CPNE4: variants seen among roughly 807,000 people sequenced by gnomAD.
CPNE4 encodes the protein copine 4, also known as copine-4.
Under a neutral mutation model 67.9 loss-of-function variants are expected in CPNE4, and 25 were observed. The ratio of observed to expected loss-of-function variants is 0.37; its 90% CI spans 0.27 to 0.51. The LOEUF (loss-of-function observed/expected upper bound fraction) is 0.51, where lower values mean the gene tolerates loss of function less well. Among genes scored for constraint, CPNE4 ranks in the 20% least tolerant of loss-of-function variants. The pLI is 0.93. For missense variants in CPNE4, 464 were observed against 690.8 expected, an observed-to-expected ratio of 0.67 and a Z score of 3.68; for synonymous variants, 242 against 244.9, an observed-to-expected ratio of 0.99 and a Z score of 0.11.
At chr3:131,703,918 TA>T (rs1242864939) in intron 3 of CPNE4, among the ~76,000 whole-genome samples, 1 of 152,196 alleles carries the variant, frequency 6.6e-6, no homozygotes, top group Non-Finnish European at 1.5e-5. Flanking sequence ...CCTTAAAAGG[TA>T]AATACATATT....
At chr3:131,909,103 T>G (rs1256727788) in intron 1 of CPNE4, among the ~76,000 whole-genome samples, 1 of 152,150 alleles carries the variant, frequency 6.6e-6, no homozygotes, top group African/African-American at 2.4e-5. Context: ...CTGTACAATC[T>G]GAGCATACTA....
intron 14 of CPNE4, among the ~76,000 whole-genome samples, chr3:131,545,210 A>C (rs1182948624): frequency 6.6e-6 from 1 of 152,190 alleles, no homozygotes; most frequent in Non-Finnish European, 1.5e-5. Flanking sequence ...CAAAATCTTC[A>C]TATGTCACAA....
chr3:132,036,242 T>C (rs2074335663), upstream of CPNE4, among the ~76,000 whole-genome samples: 1 of 152,230 alleles, frequency 6.6e-6, no homozygotes, highest in South Asian at 2.1e-4. Flanking sequence ...ACAGAAATCC[T>C]TGGATTTGCT....
Position 131,607,545 on chromosome 3 carries a change from G to A in CPNE4, c.682-19963C>T, listed in dbSNP as rs140835529. Among the ~76,000 whole-genome samples the A allele has an allele frequency of 2.9e-3, 447 of 152,140 alleles. 3 individuals carry two copies. The highest frequency in any genetic ancestry group is 9.5e-3 in the African/African-American group (393 of 41,526). ...TCTTCTGGCTATCATAACATTCAAC[G>A]TATTTTCAAAGGTAGTTTTTGATAA... On this transcript the variant is annotated intron_variant, in intron 7 of 15. Coordinates refer to ENST00000429747, the MANE Select transcript of CPNE4 (RefSeq NM_130808.3).
At chr3:131,999,760 C>T (rs2107660801) in intron 1 of CPNE4, among the ~76,000 whole-genome samples, 1 of 152,056 alleles carries the variant, frequency 6.6e-6, no homozygotes, top group Admixed American at 6.6e-5. Context: ...AAACTTTTCA[C>T]ATTCAAATTT....
intron 5 of CPNE4, among the ~76,000 whole-genome samples, chr3:131,695,241 C>T (rs577750146): frequency 1.3e-5 from 2 of 152,258 alleles, no homozygotes; most frequent in East Asian, 1.9e-4. Context: ...AGCACTGGGG[C>T]ATTCAGGCTC....
At chr3:131,770,809 C>T (rs377563926) in intron 2 of CPNE4, among the ~76,000 whole-genome samples, 12 of 152,324 alleles carry the variant, frequency 7.9e-5, no homozygotes, top group East Asian at 7.7e-4. Context: ...TTACCTATCT[C>T]ACTGGGTTAA....
rs117663707 is a variant in CPNE4 at position 131,943,147 on chromosome 3, C to T, written c.-1-37703G>A. ...GGCATTATATCACCTCTTGCATATTCGGTTAACATTGCCAGGAGGGTCTGG... is the reference window on the plus strand; with the variant it reads ...GGCATTATATCACCTCTTGCATATTTGGTTAACATTGCCAGGAGGGTCTGG... On this transcript the variant is annotated intron_variant, in intron 1 of 15. Coordinates refer to ENST00000429747, the MANE Select transcript of CPNE4 (RefSeq NM_130808.3). 7.6e-4 allele frequency among the ~76,000 whole-genome samples: 115 copies of T among 152,264 alleles called. 1 individual carries two copies. In the East Asian group the frequency reaches 0.02, roughly 26 times the overall value.
chr3:131,629,953 A>C (rs1582921308), intron 7 of CPNE4, among the ~76,000 whole-genome samples: 1 of 150,936 alleles, frequency 6.6e-6, no homozygotes, highest in African/African-American at 2.4e-5. Context: ...CCTCTCCCTT[A>C]CTCTCAAAAT....
At chr3:131,556,729 T>C (rs1003295959) in intron 11 of CPNE4, among the ~76,000 whole-genome samples, 1 of 152,128 alleles carries the variant, frequency 6.6e-6, no homozygotes, top group Non-Finnish European at 1.5e-5. Flanking sequence ...ATCACTTACA[T>C]ATCCTTTGGT....
intron 2 of CPNE4, among the ~76,000 whole-genome samples, chr3:131,792,686 TGTATATATACATATAC>T (rs2083784573): frequency 1.6e-5 from 1 of 61,702 alleles, no homozygotes. Context: ...TATACACACG[TGTATATATACATATAC>T]ACACACGTGT....
At chr3:131,912,361 G>A (rs925955557) in intron 1 of CPNE4, among the ~76,000 whole-genome samples, 2 of 152,080 alleles carry the variant, frequency 1.3e-5, no homozygotes, top group African/African-American at 2.4e-5. Flanking sequence ...AACCAACTGA[G>A]CAGAGCTTGT....
At chr3:131,841,724 T>G (rs561693838) in intron 2 of CPNE4, among the ~76,000 whole-genome samples, 1 of 152,194 alleles carries the variant, frequency 6.6e-6, no homozygotes, top group Non-Finnish European at 1.5e-5. Context: ...GTAATGAACA[T>G]GGAGATGGAC....
rs146627008 is a variant in CPNE4 at position 131,569,745 on chromosome 3, G to C, written c.927+5326C>G. Among the ~76,000 whole-genome samples the C allele has an allele frequency of 3.4e-3, 518 of 151,828 alleles. 3 individuals carry two copies. The highest frequency in any genetic ancestry group is 5.7e-3 in the Non-Finnish European group (384 of 67,874). On this transcript the variant is annotated intron_variant, in intron 10 of 15. Coordinates refer to ENST00000429747, the MANE Select transcript of CPNE4 (RefSeq NM_130808.3). ...GATTTCCTGAGAGAACCTTTAATGA[G>C]TGATCTAAATTTTTAGGTTTGAAGG...
chr3:131,953,323 G>C (rs963092968), intron 1 of CPNE4, among the ~76,000 whole-genome samples: 6 of 149,814 alleles, frequency 4.0e-5, no homozygotes, highest in African/African-American at 1.5e-4. Flanking sequence ...AAGGCTTTCA[G>C]TTTTTCCCCA....
At chr3:131,765,926 T>A (rs893484317) in intron 2 of CPNE4, among the ~76,000 whole-genome samples, 1 of 152,120 alleles carries the variant, frequency 6.6e-6, no homozygotes, top group Non-Finnish European at 1.5e-5. Context: ...CCTAAGTGGA[T>A]CTGGCACTAG....
In CPNE4 at chr3:131,781,565, G is replaced by A. The variant is rs76876895; in HGVS notation, c.181-57940C>T. Among the ~76,000 whole-genome samples the A allele has an allele frequency of 2.6e-3, 400 of 152,246 alleles. 3 individuals are homozygous for A. The highest frequency in any genetic ancestry group is 0.018 in the East Asian group (95 of 5,176). ...GATTGAAATATGACTGAAATTTAGT[G>A]TTTGCAGCTAAGATATGTAGACGAG... On this transcript the variant is annotated intron_variant, in intron 2 of 15. Transcript: ENST00000429747.
Position 131,671,458 on chromosome 3 carries a change from CATGTGTGT to C in CPNE4, c.592-1702_592-1695del, listed in dbSNP as rs1457355510. Among the ~76,000 whole-genome samples, 6 of 125,702 alleles carry C rather than the reference CATGTGTGT, an allele frequency of 4.8e-5. No individual in the cohort carries two copies. In the South Asian group the frequency reaches 8.5e-4, roughly 18 times the overall value. 82.5% of individuals were successfully genotyped at this position (125,702 alleles called of 152,430 possible). A position where few individuals can be genotyped will look rare whatever the true frequency, so the allele number is the denominator to read the frequency against. The stretch of plus-strand genomic sequence containing the variant: ...ATGTGTATGTATGTATGAGTGTACA[CATGTGTGT>C]GTGTGTGTGTGTGTGTGTGTGTACG... On this transcript the variant is annotated intron_variant, in intron 6 of 15. Coordinates refer to ENST00000429747, the MANE Select transcript of CPNE4 (RefSeq NM_130808.3).
Position 131,674,411 on chromosome 3 carries a change from A to G in CPNE4, c.592-4647T>C, listed in dbSNP as rs533366884. 1.9e-3 allele frequency among the ~76,000 whole-genome samples: 292 copies of G among 151,962 alleles called. 2 individuals carry two copies. Among genetic ancestry groups the G allele is most frequent in the African/African-American group, 6.9e-3 (287 of 41,524 alleles). Reference sequence around the variant, plus strand: ...TATTAGTTCTTTTTAAAATTCTACCAATATGTTTGGTAGAATTCAGCAGTG... The same window carrying G: ...TATTAGTTCTTTTTAAAATTCTACCGATATGTTTGGTAGAATTCAGCAGTG... On this transcript the variant is annotated intron_variant, in intron 6 of 15. Transcript: ENST00000429747.
Sources: allele counts gnomAD v4.1 joint callset (sites outside exome capture counted in the v4.1 genomes callset), GRCh38; gene constraint gnomAD v4.1.1; transcripts MANE v1.5; gene names NCBI Gene and HGNC (gene_info 2026-07-23, HGNC 2026-07-21).